Variants in NBAS observed in about 807,000 individuals in gnomAD.
The protein encoded by NBAS is NAG/BC035112 fusion.
NBAS carries 219 observed loss-of-function variants against 302.5 expected under a neutral mutation model. That is an observed-to-expected ratio of 0.72 (90% confidence interval 0.65 to 0.81). The LOEUF (loss-of-function observed/expected upper bound fraction) is 0.81, where lower values mean the gene tolerates loss of function less well. Among genes scored for constraint, NBAS ranks in the 30% least tolerant of loss-of-function variants. The probability of loss-of-function intolerance (pLI) is 0.00; values close to 1 mark genes in which losing one functional copy is unlikely to be tolerated. For missense variants in NBAS, 2,932 were observed against 2,841.6 expected (o/e 1.03, Z -0.72); for synonymous variants, 1,118 against 1,021.6 (o/e 1.09, Z -1.80).
chr2:15,342,014 T>C (rs1390183115), intron 35 of NBAS, among the ~76,000 whole-genome samples: 1 of 152,032 alleles, frequency 6.6e-6, no homozygotes, highest in African/African-American at 2.4e-5. Flanking sequence ...CAAAAATTAA[T>C]GAGGACATAC....
At chr2:15,064,331 G>A in the NBAS span, among the ~76,000 whole-genome samples, 1 of 145,996 alleles carries the variant, frequency 6.8e-6, no homozygotes, top group Non-Finnish European at 1.5e-5. Flanking sequence ...TCAGAAACGA[G>A]GAGACATTAC....
At chr2:15,441,053 G>C (rs943288351) in intron 21 of NBAS, among the ~76,000 whole-genome samples, 2 of 152,192 alleles carry the variant, frequency 1.3e-5, no homozygotes, top group African/African-American at 4.8e-5. Context: ...AAGTGACGGG[G>C]AGAATGGAAC....
rs190061357 is a variant in NBAS, at chr2:15,504,041, G to A, written c.954+104C>T. The A allele has an allele frequency of 3.5e-6, 3 of 859,802 alleles. No homozygotes were observed. In the African/African-American group the frequency reaches 5.0e-5, roughly 14 times the overall value. The allele number at this position is 859,802 out of a possible 1,614,324, so 53.3% of individuals were successfully genotyped here. A position where few individuals can be genotyped will look rare whatever the true frequency, so the allele number is the denominator to read the frequency against. On this transcript the variant is annotated intron_variant, in intron 11 of 51. Coordinates refer to ENST00000281513, the MANE Select transcript of NBAS (RefSeq NM_015909.4). ...CACATAGTGTATATGAATACACTCA[G>A]ATGAAGATACAAAAAATTCGAGGTT...
At chr2:15,507,709 T>C (rs916307336) in intron 10 of NBAS, among the ~76,000 whole-genome samples, 2 of 152,216 alleles carry the variant, frequency 1.3e-5, no homozygotes, top group Non-Finnish European at 2.9e-5. Flanking sequence ...ATTGCACTTA[T>C]TTGAGACATA....
At chr2:15,163,067 C>A (rs550049669), downstream of NBAS, among the ~76,000 whole-genome samples, 1 of 152,330 alleles carries the variant, frequency 6.6e-6, no homozygotes, top group African/African-American at 2.4e-5. Context: ...CTGGGAGCTG[C>A]GCTGACTGGG....
intron 10 of NBAS, among the ~76,000 whole-genome samples, chr2:15,507,829 T>C (rs1425647276): frequency 6.6e-6 from 1 of 152,184 alleles, no homozygotes; most frequent in Non-Finnish European, 1.5e-5. Context: ...AATAAAACTA[T>C]CTCACATAGA....
At chr2:14,965,342 A>G in the NBAS span, among the ~76,000 whole-genome samples, 1 of 152,196 alleles carries the variant, frequency 6.6e-6, no homozygotes, top group African/African-American at 2.4e-5. Flanking sequence ...AAATATTAAG[A>G]ATTATTATAG....
At chr2:14,993,549 C>T in the NBAS span, among the ~76,000 whole-genome samples, 1 of 152,144 alleles carries the variant, frequency 6.6e-6, no homozygotes, top group African/African-American at 2.4e-5. Flanking sequence ...TCAATTTTAT[C>T]GATACTCTAA....
At chr2:14,829,225 C>T in the NBAS span, among the ~76,000 whole-genome samples, 1 of 152,024 alleles carries the variant, frequency 6.6e-6, no homozygotes, top group Admixed American at 6.6e-5. Flanking sequence ...AACTCAGCTG[C>T]TCAGGTCTAC....
At chr2:15,203,214 T>C (rs1184946596) in intron 48 of NBAS, among the ~76,000 whole-genome samples, 1 of 152,196 alleles carries the variant, frequency 6.6e-6, no homozygotes, top group African/African-American at 2.4e-5. Flanking sequence ...CTAGTATGGA[T>C]AGTTCATAGT....
rs780547106 is a variant in NBAS, at chr2:15,415,645, C to T, written c.2838G>A (p.Ser946=). Residue 946 remains serine, a synonymous_variant, in exon 25 of 52, where the codon TCG becomes TCA. Transcript: ENST00000281513. ...VPFLHRCEKQ[S]PGVANELLKE... ...TTAATAGCTCATTAGCCACACCAGG[C>T]GACTGTTTCTCACAACGATGAAGAA... 1.7e-5 allele frequency: 27 copies of T among 1,613,952 alleles called. No individual in the cohort carries two copies. The highest frequency in any genetic ancestry group is 4.5e-5 in the East Asian group (2 of 44,880).
At chr2:15,080,192 C>T in the NBAS span, among the ~76,000 whole-genome samples, 1 of 152,214 alleles carries the variant, frequency 6.6e-6, no homozygotes, top group South Asian at 2.1e-4. Flanking sequence ...TAGTAGAAGA[C>T]TCATGGCTGA....
At chr2:15,077,454 G>A in the NBAS span, among the ~76,000 whole-genome samples, 1 of 152,220 alleles carries the variant, frequency 6.6e-6, no homozygotes, top group African/African-American at 2.4e-5. Context: ...AATCCTCTGT[G>A]TCAGTCATTT....
chr2:15,381,646 A>C (rs1024961107), intron 29 of NBAS, among the ~76,000 whole-genome samples: 15 of 152,182 alleles, frequency 9.9e-5, no homozygotes, highest in Non-Finnish European at 1.6e-4. Context: ...TACCTCAAAC[A>C]CACTAGTGAC....
rs919555453 is a variant in NBAS at position 15,208,625 on chromosome 2, A to G, written c.6432+10148T>C. Among the ~76,000 whole-genome samples the G allele has an allele frequency of 1.4e-4, 21 of 152,304 alleles. 1 individual carries two copies. In the South Asian group the frequency reaches 4.4e-3, roughly 32 times the overall value. ...ACTTCTTTTCCTCAGCACATGGATCATTCTCAAGGACAGACTATATTATAG... is the reference window on the plus strand; with the variant it reads ...ACTTCTTTTCCTCAGCACATGGATCGTTCTCAAGGACAGACTATATTATAG... On this transcript the variant is annotated intron_variant, in intron 48 of 51. Coordinates refer to ENST00000281513, the MANE Select transcript of NBAS (RefSeq NM_015909.4).
chr2:14,969,589 C>G, the NBAS span, among the ~76,000 whole-genome samples: 1 of 152,122 alleles, frequency 6.6e-6, no homozygotes, highest in Non-Finnish European at 1.5e-5. Flanking sequence ...GTTGGCCAGG[C>G]TGGTCTCAAA....
the NBAS span, among the ~76,000 whole-genome samples, chr2:14,851,037 A>AAC: frequency 8.1e-6 from 1 of 124,114 alleles, no homozygotes; most frequent in East Asian, 2.1e-4. Context: ...AGCAAGAGCA[A>AAC]ACACATTCAA....
the NBAS span, among the ~76,000 whole-genome samples, chr2:14,796,902 G>T: frequency 7.8e-5 from 10 of 127,592 alleles, no homozygotes. Context: ...GTGAAACCCC[G>T]TCTCTCCTAA....
chr2:14,968,553 C>T, the NBAS span, among the ~76,000 whole-genome samples: 1 of 152,270 alleles, frequency 6.6e-6, no homozygotes, highest in East Asian at 1.9e-4. Context: ...TCCTCCTGCC[C>T]CAGTCTCTTG....
Sources: gnomAD v4.1 joint callset for allele counts (sites outside exome capture counted in the v4.1 genomes callset) on GRCh38, gnomAD v4.1.1 for gene constraint, MANE v1.5 for transcripts, NCBI Gene and HGNC (gene_info 2026-07-23, HGNC 2026-07-21) for gene names.